The following SUSD4 variants were observed in gnomAD, a reference collection of about 807,000 sequenced individuals.
SUSD4 encodes the protein sushi domain containing 4.
SUSD4 carries 41 observed loss-of-function variants against 50.5 expected under a neutral mutation model. That is an observed-to-expected ratio of 0.81 (90% CI 0.63 to 1.05). The LOEUF (loss-of-function observed/expected upper bound fraction) is 1.05, where lower values mean the gene tolerates loss of function less well. Ranked by LOEUF, SUSD4 falls within the 50% of genes least tolerant of loss-of-function variation. SUSD4 has a pLI of 0.00. For missense variants in SUSD4, 580 were observed against 634.7 expected, an observed-to-expected ratio of 0.91 and a Z score of 0.93; for synonymous variants, 257 against 257.3, an observed-to-expected ratio of 1.00 and a Z score of 0.01.
rs1290345595 is a variant in SUSD4 at position 223,231,296 on chromosome 1, G to T, written c.725-1908C>A. ...GGTCTGGGAAACAGGGTCTGCGGTGGACAGCCTGTCTAGATCTGGTGCAGT... is the reference window on the plus strand; with the variant it reads ...GGTCTGGGAAACAGGGTCTGCGGTGTACAGCCTGTCTAGATCTGGTGCAGT... On this transcript the variant is annotated intron_variant, in intron 5 of 8. Transcript: ENST00000366878. The surrounding 1 kb of genome is among the most constrained non-coding windows in gnomAD (Gnocchi z 4.2). Among the ~76,000 whole-genome samples the T allele has an allele frequency of 6.6e-6, 1 of 152,134 alleles. No homozygotes were observed. Among genetic ancestry groups the T allele is most frequent in the Admixed American group, 6.5e-5 (1 of 15,282 alleles).
At chr1:223,300,168 TG>T (rs1665090586) in intron 2 of SUSD4, among the ~76,000 whole-genome samples, 1 of 152,148 alleles carries the variant, frequency 6.6e-6, no homozygotes, top group African/African-American at 2.4e-5. Context: ...CAGTACCCCC[TG>T]GGGCTGACAC....
At chr1:223,297,716 GACCATCATCACTGCTC>G (rs1205346841) in intron 2 of SUSD4, among the ~76,000 whole-genome samples, 1 of 152,190 alleles carries the variant, frequency 6.6e-6, no homozygotes, top group Non-Finnish European at 1.5e-5. Flanking sequence ...TCCTCACTCT[GACCATCATCACTGCTC>G]TACTTAGCGG....
intron 2 of SUSD4, among the ~76,000 whole-genome samples, chr1:223,345,260 C>T (rs1348750818): frequency 6.6e-6 from 1 of 152,144 alleles, no homozygotes. Context: ...GCACCACTAA[C>T]CCCCTCTCTG....
intron 2 of SUSD4, among the ~76,000 whole-genome samples, chr1:223,358,205 T>C (rs946546396): frequency 2.6e-5 from 4 of 152,210 alleles, no homozygotes; most frequent in African/African-American, 9.6e-5. Context: ...CTGTATCCCC[T>C]TAACTGTGTA....
chr1:223,356,692 A>G (rs1259605737), intron 2 of SUSD4, among the ~76,000 whole-genome samples: 1 of 152,218 alleles, frequency 6.6e-6, no homozygotes, highest in African/African-American at 2.4e-5. Context: ...AACAAAGAGG[A>G]AAGTCTTGAC....
In SUSD4 at chr1:223,287,036, A is replaced by C. The variant is rs551012836; in HGVS notation, c.361+5403T>G. Among the ~76,000 whole-genome samples, 5 of 152,058 alleles carry C rather than the reference A, an allele frequency of 3.3e-5. No individual in the cohort carries two copies. In the East Asian group the frequency reaches 9.7e-4, roughly 30 times the overall value. ...GGTGACTGCTGTCAGAGCAAGGAAA[A>C]CCATCCTAGGGATGGGCTCGACTTA... is the stretch of plus-strand genomic sequence containing the variant. On this transcript the variant is annotated intron_variant, in intron 3 of 8. Transcript: ENST00000366878.
chr1:223,234,791 A>T, intron 5 of SUSD4: 1 of 882,640 alleles, frequency 1.1e-6, no homozygotes, highest in Non-Finnish European at 1.6e-6. Context: ...CCTCTGAGAT[A>T]CACACTAAAA....
At chr1:223,284,096 G>C (rs1040630730) in intron 3 of SUSD4, among the ~76,000 whole-genome samples, 2 of 143,320 alleles carry the variant, frequency 1.4e-5, no homozygotes, top group African/African-American at 5.1e-5. Context: ...TAGGGGGAGG[G>C]GGGAGGGAAA....
rs752360600 is a variant in SUSD4 at position 223,268,527 on chromosome 1, C to T, written c.510G>A (p.Thr170=). The T allele has an allele frequency of 1.2e-5, 19 of 1,613,646 alleles. No homozygotes were observed. The highest frequency in any genetic ancestry group is 4.5e-5 in the East Asian group (2 of 44,896). The part of the protein sequence containing the change: ...NMVSLCRDDG[T]WNNLPICQGC... ...CTTGACAGATGGGCAGATTATTCCA[C>T]GTTCCATCATCGCGACATAATGAAA... Residue 170 remains threonine (T), a synonymous_variant, in exon 4 of 9, where the codon ACG becomes ACA. Transcript: ENST00000366878.
intron 3 of SUSD4, among the ~76,000 whole-genome samples, chr1:223,273,214 T>C (rs1213906010): frequency 6.6e-6 from 1 of 152,126 alleles, no homozygotes; most frequent in Non-Finnish European, 1.5e-5. Context: ...GTATTTGGAA[T>C]ATAGTGACCA....
At chr1:223,271,327 C>T (rs1662906311) in intron 3 of SUSD4, among the ~76,000 whole-genome samples, 1 of 152,164 alleles carries the variant, frequency 6.6e-6, no homozygotes, top group Admixed American at 6.5e-5. Context: ...GATTTCTCAG[C>T]ATAGTGTTGT....
intron 3 of SUSD4, among the ~76,000 whole-genome samples, chr1:223,291,616 C>T (rs1246905300): frequency 6.7e-6 from 1 of 148,460 alleles, no homozygotes; most frequent in Non-Finnish European, 1.5e-5. Flanking sequence ...AAAATAAAAT[C>T]AGTGTTAAGA....
intron 2 of SUSD4, among the ~76,000 whole-genome samples, chr1:223,316,036 C>G (rs1392156702): frequency 6.6e-6 from 1 of 152,146 alleles, no homozygotes; most frequent in Non-Finnish European, 1.5e-5. Flanking sequence ...AGAAGCTCTG[C>G]CACCCATGGA....
chr1:223,230,827 C>T (rs1571839026), intron 5 of SUSD4: 1 of 152,204 alleles, frequency 6.6e-6, no homozygotes. Context: ...TAAACCAATC[C>T]CTGTGCATCT....
intron 3 of SUSD4, among the ~76,000 whole-genome samples, chr1:223,269,576 C>A (rs546648660): frequency 6.6e-6 from 1 of 152,174 alleles, no homozygotes; most frequent in African/African-American, 2.4e-5. Flanking sequence ...GCACATTGAT[C>A]GCAATGTGTC....
intron 2 of SUSD4, among the ~76,000 whole-genome samples, chr1:223,336,539 C>T (rs956429552): frequency 6.6e-6 from 1 of 152,174 alleles, no homozygotes; most frequent in African/African-American, 2.4e-5. Context: ...TGCTCTTTCT[C>T]TTCTGAAATC....
At chr1:223,272,702 C>T (rs1662999143) in intron 3 of SUSD4, among the ~76,000 whole-genome samples, 1 of 152,186 alleles carries the variant, frequency 6.6e-6, no homozygotes, top group Admixed American at 6.5e-5. Context: ...TCACAATCCA[C>T]AGAGTAGATT....
intron 4 of SUSD4, among the ~76,000 whole-genome samples, chr1:223,268,089 T>A (rs531509937): frequency 7.0e-6 from 1 of 142,502 alleles, no homozygotes; most frequent in South Asian, 2.3e-4. Context: ...AGATTGGCTT[T>A]AACTATATTT....
intron 2 of SUSD4, among the ~76,000 whole-genome samples, chr1:223,363,029 G>C (rs1404756182): frequency 6.7e-6 from 1 of 149,124 alleles, no homozygotes; most frequent in Non-Finnish European, 1.5e-5. Context: ...GCCAGGCCCG[G>C]AGGCTGGTGG....
Sources: gnomAD v4.1 joint callset for allele counts (sites outside exome capture counted in the v4.1 genomes callset) on GRCh38, gnomAD v4.1.1 for gene constraint, Gnocchi (gnomAD v3.1) non-coding constraint, MANE v1.5 for transcripts, NCBI Gene and HGNC (gene_info 2026-07-23, HGNC 2026-07-21) for gene names.